ARHGEF28: variants seen among roughly 807,000 people sequenced by gnomAD.
The protein encoded by ARHGEF28 is 190 kDa guanine nucleotide exchange factor.
A neutral mutation model predicts 206.6 loss-of-function variants in ARHGEF28; 152 were observed. The ratio of observed to expected loss-of-function variants is 0.74; its 90% CI spans 0.64 to 0.84. The LOEUF (loss-of-function observed/expected upper bound fraction) is 0.84, where lower values mean the gene tolerates loss of function less well. Among genes scored for constraint, ARHGEF28 ranks in the 40% least tolerant of loss-of-function variants. ARHGEF28 has a pLI of 0.00. For synonymous variants in ARHGEF28, 763 were observed against 776.4 expected, an observed-to-expected ratio of 0.98 and a Z score of 0.29; for missense variants, 2,028 against 2,073.2, an observed-to-expected ratio of 0.98 and a Z score of 0.42.
In ARHGEF28 at chr5:73,832,369, G is replaced by A; in HGVS notation, c.1056G>A (p.Lys352=). 6.2e-7 allele frequency: 1 copy of A among 1,612,596 alleles called. No individual in the cohort carries two copies. Among genetic ancestry groups the A allele is most frequent in the Non-Finnish European group, 8.5e-7 (1 of 1,179,312 alleles). ...CCTTCGATATCCTAAAAAAATCCAA[G>A]CCGCCCTCGACATTGCTTGCTGCAG... ...DRSFDILKKS[K]PPSTLLAAGR... The change falls in exon 10 of 36, where the codon AAG becomes AAA. Residue 352 remains lysine (K), a synonymous_variant. Coordinates refer to ENST00000513042, the MANE Select transcript of ARHGEF28 (RefSeq NM_001177693.2).
chr5:73,927,633 A>G (rs1470307198), intron 35 of ARHGEF28, among the ~76,000 whole-genome samples: 2 of 152,106 alleles, frequency 1.3e-5, no homozygotes, highest in African/African-American at 4.8e-5. Context: ...AGCTGGGACT[A>G]TAGGCACGAG....
At chr5:73,815,093 A>G (rs1756104237) in intron 9 of ARHGEF28, among the ~76,000 whole-genome samples, 2 of 152,130 alleles carry the variant, frequency 1.3e-5, no homozygotes, top group Admixed American at 6.5e-5. Flanking sequence ...AACAGACTGA[A>G]AAAAATTTCA....
In ARHGEF28 at chr5:73,939,159, C is replaced by T. The variant is rs563911091; in HGVS notation, c.4949-1685C>T. Among the ~76,000 whole-genome samples the T allele has an allele frequency of 1.0e-3, 153 of 152,264 alleles. 1 individual carries two copies. Among genetic ancestry groups the T allele is most frequent in the Middle Eastern group, 3.4e-3 (1 of 294 alleles). On this transcript the variant is annotated intron_variant, in intron 35 of 35. Transcript: ENST00000513042. Reference sequence around the variant, plus strand: ...CTCTGAGCGTAGATCCAGATCACTTCCTAGCTGCATGATGTGGGTCAGAAT... The same window carrying T: ...CTCTGAGCGTAGATCCAGATCACTTTCTAGCTGCATGATGTGGGTCAGAAT...
intron 1 of ARHGEF28, among the ~76,000 whole-genome samples, chr5:73,670,218 A>G (rs1435808172): frequency 6.6e-6 from 1 of 152,172 alleles, no homozygotes; most frequent in Non-Finnish European, 1.5e-5. Context: ...TTTTTCGTTT[A>G]AAAATATTAT....
intron 16 of ARHGEF28, among the ~76,000 whole-genome samples, chr5:73,860,635 A>G (rs1277659704): frequency 1.3e-5 from 2 of 152,166 alleles, no homozygotes; most frequent in East Asian, 1.9e-4. Flanking sequence ...ACCGCCTTCT[A>G]GAATACTGGG....
intron 35 of ARHGEF28, among the ~76,000 whole-genome samples, chr5:73,919,040 G>A (rs191368894): frequency 3.9e-5 from 6 of 152,270 alleles, no homozygotes; most frequent in South Asian, 2.1e-4. Flanking sequence ...TCCTACTGCC[G>A]TGGGATCCCT....
At chr5:73,927,526 A>T (rs1268897405) in intron 35 of ARHGEF28, among the ~76,000 whole-genome samples, 1 of 152,128 alleles carries the variant, frequency 6.6e-6, no homozygotes, top group African/African-American at 2.4e-5. Context: ...GAGTAAAGGA[A>T]TAGAGCAATT....
chr5:73,667,439 G>A (rs1310903215), intron 1 of ARHGEF28, among the ~76,000 whole-genome samples: 1 of 152,182 alleles, frequency 6.6e-6, no homozygotes, highest in Non-Finnish European at 1.5e-5. Context: ...TCCCAAGGAT[G>A]CCCTGGTCCT....
chr5:73,815,447 A>G (rs1183271279), intron 9 of ARHGEF28, among the ~76,000 whole-genome samples: 7 of 152,200 alleles, frequency 4.6e-5, no homozygotes, highest in Non-Finnish European at 1.5e-5. Context: ...GAGGAGATAC[A>G]CAAAGTCATT....
intron 10 of ARHGEF28, 139 bp downstream of exon 10, chr5:73,832,598 A>C: frequency 7.4e-6 from 9 of 1,208,460 alleles, no homozygotes; most frequent in Non-Finnish European, 9.1e-6. Context: ...GTGGGGTCTC[A>C]TTGTATGAGC....
intron 1 of ARHGEF28, among the ~76,000 whole-genome samples, chr5:73,681,322 A>G (rs1331964695): frequency 1.3e-5 from 2 of 152,160 alleles, no homozygotes; most frequent in Admixed American, 6.5e-5. Context: ...TAATTTTTTA[A>G]ATGCCTTCTT....
At chr5:73,821,473 G>C (rs1756582675) in intron 9 of ARHGEF28, among the ~76,000 whole-genome samples, 1 of 152,132 alleles carries the variant, frequency 6.6e-6, no homozygotes, top group Non-Finnish European at 1.5e-5. Flanking sequence ...AATTTGAAAG[G>C]AAGAAAATCA....
At chr5:73,878,272 G>T (rs1413743118) in intron 22 of ARHGEF28, among the ~76,000 whole-genome samples, 2 of 149,514 alleles carry the variant, frequency 1.3e-5, no homozygotes, top group African/African-American at 5.0e-5. Flanking sequence ...TTTTCCATTT[G>T]CTTGGTAGAT....
intron 2 of ARHGEF28, among the ~76,000 whole-genome samples, chr5:73,719,390 G>A (rs983351868): frequency 2.7e-5 from 4 of 147,364 alleles, no homozygotes; most frequent in Non-Finnish European, 5.9e-5. Context: ...CAGCCTAGGC[G>A]ACAGAGGGAG....
At position 73,794,465 on chromosome 5, in the gene ARHGEF28, A is replaced by C. The variant is rs750326590; in HGVS notation, c.963+11A>C. 17 of 1,582,630 alleles carry C rather than the reference A, an allele frequency of 1.1e-5. No homozygotes were observed. Among genetic ancestry groups the C allele is most frequent in the Non-Finnish European group, 1.3e-5 (15 of 1,159,484 alleles). On this transcript the variant is annotated intron_variant, in intron 8 of 35. Coordinates refer to ENST00000513042, the MANE Select transcript of ARHGEF28 (RefSeq NM_001177693.2). ...AAGGAAGATATAAAGGTAATGAATG[A>C]CTCCCTGCTTCTTTCTTTGCACGTC...
chr5:73,673,107 A>G (rs1003883204), intron 1 of ARHGEF28, among the ~76,000 whole-genome samples: 1 of 152,234 alleles, frequency 6.6e-6, no homozygotes, highest in African/African-American at 2.4e-5. Flanking sequence ...AGTCTGAAAC[A>G]GGTCTATAGA....
At chr5:73,701,138 G>A (rs2112285958) in intron 2 of ARHGEF28, among the ~76,000 whole-genome samples, 1 of 152,272 alleles carries the variant, frequency 6.6e-6, no homozygotes, top group African/African-American at 2.4e-5. Context: ...ATAAAACCCA[G>A]TGGTGAACAC....
intron 1 of ARHGEF28, among the ~76,000 whole-genome samples, chr5:73,660,707 C>T (rs903657229): frequency 2.0e-5 from 3 of 152,198 alleles, no homozygotes; most frequent in African/African-American, 7.2e-5. Flanking sequence ...TCTCCTTGTA[C>T]ATCTCCATCA....
rs1257882120 is a variant in ARHGEF28 at position 73,893,201 on chromosome 5, C to G, written c.3571C>G (p.Pro1191Ala). The G allele has an allele frequency of 6.5e-7, 1 of 1,546,028 alleles. No homozygotes were observed. Among genetic ancestry groups the G allele is most frequent in the Non-Finnish European group, 8.7e-7 (1 of 1,145,018 alleles). ...CTTGACTATTGTCTTTTAAAGTTGT[C>G]CTGAAGAAAAAGGGGGAAGGACAAG... ...RRIQQAVESC[P>A]EEKGGRTSES... The change falls in exon 28 of 36, where the codon CCT becomes GCT. Residue 1191 changes from proline to alanine, a missense_variant. Coordinates refer to ENST00000513042, the MANE Select transcript of ARHGEF28 (RefSeq NM_001177693.2).
Sources: gnomAD v4.1 joint callset for allele counts (sites outside exome capture counted in the v4.1 genomes callset) on GRCh38, gnomAD v4.1.1 for gene constraint, MANE v1.5 for transcripts, NCBI Gene and HGNC (gene_info 2026-07-23, HGNC 2026-07-21) for gene names.